INSL6: variants seen among roughly 807,000 people sequenced by gnomAD.
The protein encoded by INSL6 is insulin-like peptide INSL6.
A neutral mutation model predicts 9.4 loss-of-function variants in INSL6; 16 were observed. The observed-to-expected ratio is 1.70, with a 90% CI of 1.15 to 2.59. The LOEUF (loss-of-function observed/expected upper bound fraction) is 2.59. Ranked by LOEUF, INSL6 falls within the 30% of genes most tolerant of loss-of-function variation. The pLI, the probability that INSL6 is intolerant of heterozygous loss-of-function variation, is 0.00. For missense variants in INSL6, 391 were observed against 257.3 expected (o/e 1.52, Z -3.56); for synonymous variants, 154 against 96.9 (o/e 1.59, Z -3.46).
the INSL6 span, among the ~76,000 whole-genome samples, chr9:5,034,002 C>G: frequency 6.6e-6 from 1 of 152,116 alleles, no homozygotes; most frequent in African/African-American, 2.4e-5. Flanking sequence ...ACCCATCTCA[C>G]GTGCAGAGAC....
the INSL6 span, chr9:5,112,712 C>T: frequency 6.5e-5 from 54 of 829,084 alleles, no homozygotes; most frequent in East Asian, 1.3e-3. Context: ...AGTGCGAGAG[C>T]GGAACCTGAA....
intron 2 of INSL6, among the ~76,000 whole-genome samples, chr9:5,136,151 T>A (rs1824383646): frequency 6.6e-6 from 1 of 152,008 alleles, no homozygotes; most frequent in Admixed American, 6.6e-5. Flanking sequence ...TAAAAAAAAG[T>A]CCAGGACCAG....
At chr9:5,056,856 A>G in the INSL6 span, among the ~76,000 whole-genome samples, 4 of 152,192 alleles carry the variant, frequency 2.6e-5, no homozygotes, top group Non-Finnish European at 5.9e-5. Flanking sequence ...TAAGTCTGCA[A>G]TACAGAGAAG....
intron 1 of INSL6, among the ~76,000 whole-genome samples, chr9:5,181,249 A>C (rs1825444849): frequency 6.6e-6 from 1 of 152,204 alleles, no homozygotes; most frequent in South Asian, 2.1e-4. Flanking sequence ...CTAAGGGAAA[A>C]AATAAACATT....
At chr9:5,121,994 T>G (rs910341710), downstream of INSL6, among the ~76,000 whole-genome samples, 2 of 152,140 alleles carry the variant, frequency 1.3e-5, no homozygotes, top group African/African-American at 4.8e-5. Flanking sequence ...TATGTAAAAT[T>G]TGTAAAGACT....
At chr9:5,061,033 A>G in the INSL6 span, among the ~76,000 whole-genome samples, 1 of 152,206 alleles carries the variant, frequency 6.6e-6, no homozygotes, top group Non-Finnish European at 1.5e-5. Flanking sequence ...ATACTTTGAA[A>G]GCAATCTTTT....
intron 1 of INSL6, among the ~76,000 whole-genome samples, chr9:5,176,086 A>T (rs953153144): frequency 1.3e-5 from 2 of 151,912 alleles, no homozygotes; most frequent in Non-Finnish European, 2.9e-5. Context: ...TACCTCTCCT[A>T]CCTTATCTTC....
chr9:5,042,611 C>T, the INSL6 span, among the ~76,000 whole-genome samples: 1 of 110,230 alleles, frequency 9.1e-6, no homozygotes, highest in Non-Finnish European at 1.8e-5. Flanking sequence ...GCCCAGCCAG[C>T]TGCCCCCGTT....
chr9:5,165,799 T>G (rs1417959541), intron 1 of INSL6, among the ~76,000 whole-genome samples: 6 of 152,234 alleles, frequency 3.9e-5, no homozygotes, highest in African/African-American at 1.4e-4. Context: ...AGGTAATTAT[T>G]TGAAGACTTA....
intron 1 of INSL6, among the ~76,000 whole-genome samples, chr9:5,180,862 G>C (rs1447088830): frequency 1.3e-5 from 2 of 152,000 alleles, no homozygotes; most frequent in Non-Finnish European, 2.9e-5. Context: ...ATCTTTGTTA[G>C]ACCCTTATTA....
intron 2 of INSL6, among the ~76,000 whole-genome samples, chr9:5,134,563 C>T (rs1020031513): frequency 6.6e-6 from 1 of 152,162 alleles, no homozygotes; most frequent in Non-Finnish European, 1.5e-5. Flanking sequence ...AATTTTCAAC[C>T]CAGTATCTCA....
At chr9:5,166,413 G>C (rs1360845183) in intron 1 of INSL6, among the ~76,000 whole-genome samples, 1 of 151,942 alleles carries the variant, frequency 6.6e-6, no homozygotes, top group Non-Finnish European at 1.5e-5. Context: ...TTAAAAAGTT[G>C]CTTGTTTAAA....
the INSL6 span, among the ~76,000 whole-genome samples, chr9:4,992,863 C>T: frequency 6.6e-6 from 1 of 152,158 alleles, no homozygotes; most frequent in African/African-American, 2.4e-5. Flanking sequence ...GTTGCCAGTT[C>T]CTTGATTAGG....
chr9:5,166,362 T>TA (rs1389283319), intron 1 of INSL6, among the ~76,000 whole-genome samples: 4 of 152,170 alleles, frequency 2.6e-5, no homozygotes, highest in African/African-American at 4.8e-5. Context: ...TCTTTGCAGT[T>TA]AGAGGCCTAT....
the INSL6 span, among the ~76,000 whole-genome samples, chr9:5,063,967 C>T: frequency 3.1e-4 from 47 of 152,272 alleles, no homozygotes; most frequent in African/African-American, 1.1e-3. Context: ...ACCAGCCTGG[C>T]CAACATGTTG....
At chr9:5,070,241 C>G in the INSL6 span, among the ~76,000 whole-genome samples, 1 of 151,952 alleles carries the variant, frequency 6.6e-6, no homozygotes, top group Non-Finnish European at 1.5e-5. Flanking sequence ...TCTTAATTAT[C>G]CTAAGAATGG....
chr9:5,185,376 C>G lies in INSL6; in HGVS notation c.227G>C (p.Ser76Thr), dbSNP rs759594828. The change falls in exon 1 of 2, where the codon AGC (serine) becomes ACC (threonine). Residue 76 changes from serine to threonine, a missense_variant. Coordinates refer to ENST00000381641, the MANE Select transcript of INSL6 (RefSeq NM_007179.3). ...TTGCGGGCTTTCGAACTGGTATGGGCTGTAGGCTTCGACCTTCTCCGAGGC... is the reference window on the plus strand; with the variant it reads ...TTGCGGGCTTTCGAACTGGTATGGGGTGTAGGCTTCGACCTTCTCCGAGGC... ...AQASEKVEAY[S>T]PYQFESPQTA... The G allele has an allele frequency of 7.4e-6, 12 of 1,614,030 alleles. No individual in the cohort carries two copies. In the African/African-American group the frequency reaches 1.6e-4, roughly 22 times the overall value.
chr9:5,090,892 G>T, the INSL6 span: 2 of 1,603,474 alleles, frequency 1.2e-6, no homozygotes, highest in Admixed American at 3.5e-5. Context: ...AAAAGAACCT[G>T]GTGAAAGTCC....
the INSL6 span, chr9:5,109,658 C>T: frequency 6.6e-6 from 1 of 152,150 alleles, no homozygotes; most frequent in Non-Finnish European, 1.5e-5. Context: ...TATATACAGA[C>T]CAAGAAGTCA....
Sources: gnomAD v4.1 joint callset for allele counts (sites outside exome capture counted in the v4.1 genomes callset) on GRCh38, gnomAD v4.1.1 for gene constraint, MANE v1.5 for transcripts, NCBI Gene and HGNC (gene_info 2026-07-23, HGNC 2026-07-21) for gene names.